The following GNE variants were observed in gnomAD, a reference collection of about 807,000 sequenced individuals.
The protein encoded by GNE is glucosamine (UDP-N-acetyl)-2-epimerase/N-acetylmannosamine kinase.
GNE carries 41 observed loss-of-function variants against 61.8 expected under a neutral mutation model. That is an observed-to-expected ratio of 0.66 (90% CI 0.52 to 0.86). The LOEUF (loss-of-function observed/expected upper bound fraction) is 0.86, where lower values mean the gene tolerates loss of function less well. Among genes scored for constraint, GNE ranks in the 40% least tolerant of loss-of-function variants. The probability of loss-of-function intolerance (pLI) is 0.00; values close to 1 mark genes in which losing one functional copy is unlikely to be tolerated. For synonymous variants in GNE, 264 were observed against 326.4 expected, an observed-to-expected ratio of 0.81 and a Z score of 2.06; for missense variants, 608 against 909.1, an observed-to-expected ratio of 0.67 and a Z score of 4.26.
intron 9 of GNE, among the ~76,000 whole-genome samples, chr9:36,222,571 G>A (rs575421839): frequency 2.0e-5 from 3 of 152,282 alleles, no homozygotes; most frequent in African/African-American, 7.2e-5. Context: ...GCTTTGAATA[G>A]CTCTGACAAG....
At chr9:36,231,824 A>C (rs1240733952) in intron 5 of GNE, among the ~76,000 whole-genome samples, 1 of 152,112 alleles carries the variant, frequency 6.6e-6, no homozygotes, top group East Asian at 1.9e-4. Context: ...TTCTATCTCC[A>C]ACTCTAACTC....
At chr9:36,217,800 C>T (rs1019093356) in intron 11 of GNE, among the ~76,000 whole-genome samples, 200 bp from the exon 12 acceptor site, 2 of 152,128 alleles carry the variant, frequency 1.3e-5, no homozygotes, top group Admixed American at 6.5e-5. Flanking sequence ...TGGAAAAAGC[C>T]GGGTGTACCA....
intron 3 of GNE, among the ~76,000 whole-genome samples, chr9:36,239,773 T>C (rs1829559277): frequency 6.6e-6 from 1 of 152,116 alleles, no homozygotes; most frequent in Non-Finnish European, 1.5e-5. Flanking sequence ...GCACCCAGCC[T>C]ATGATTTCTT....
Position 36,231,081 on chromosome 9 carries a change from AAAAG to A in GNE, c.983-1977_983-1974del, listed in dbSNP as rs1166499064. Among the ~76,000 whole-genome samples the A allele has an allele frequency of 1.2e-3, 164 of 140,920 alleles. 1 individual carries two copies. The East Asian group carries it at 0.015, about 12-fold the overall frequency. The allele number at this position is 140,920 out of a possible 152,430, so 92.4% of individuals were successfully genotyped here. On this transcript the variant is annotated intron_variant, in intron 5 of 11. Transcript: ENST00000642385. ...ACTGCTTCACTAAAAAAAAAAAAAA[AAAAG>A]AAAGAAAGAGAGAGAGAGAAAGAGA... is the stretch of plus-strand genomic sequence containing the variant.
Position 36,215,600 on chromosome 9 carries a change from G to A in GNE, c.*1765C>T, listed in dbSNP as rs1587264909. The A allele has an allele frequency of 6.6e-6, 1 of 152,120 alleles. No individual in the cohort carries two copies. Among genetic ancestry groups the A allele is most frequent in the Non-Finnish European group, 1.5e-5 (1 of 68,038 alleles). 9.4% of individuals were successfully genotyped at this position (152,120 alleles called of 1,614,324 possible). Reference sequence around the variant, plus strand: ...ATAGCTTAACAGTCAAACACACCAAGTTCTATAAAATAAAAATTAAAACAC... The same window carrying A: ...ATAGCTTAACAGTCAAACACACCAAATTCTATAAAATAAAAATTAAAACAC... On this transcript the variant is annotated 3_prime_UTR_variant, in exon 12 of 12. Coordinates refer to ENST00000642385, the MANE Select transcript of GNE (RefSeq NM_005476.7).
chr9:36,234,107 C>A lies in GNE; in HGVS notation c.795G>T (p.Met265Ile), dbSNP rs1829295633. The A allele has an allele frequency of 6.2e-7, 1 of 1,613,720 alleles. No individual in the cohort carries two copies. Among genetic ancestry groups the A allele is most frequent in the Non-Finnish European group, 8.5e-7 (1 of 1,179,644 alleles). ...DAGSKEMVRV[M>I]RKKGIEHHPN... ...GATGATGCTCAATGCCCTTCTTCCG[C>A]ATCACTCGAACCATCTCTTTGCTCC... is the stretch of plus-strand genomic sequence containing the variant. Residue 265 changes from methionine (M) to isoleucine (I), a missense_variant, in exon 5 of 12, where the codon ATG becomes ATT. Transcript: ENST00000642385.
chr9:36,219,377 G>A (rs1455464156), intron 10 of GNE, among the ~76,000 whole-genome samples: 5 of 151,728 alleles, frequency 3.3e-5, no homozygotes, highest in Admixed American at 6.6e-5. Flanking sequence ...CTGCACTCTC[G>A]GCCTCCACTC....
intron 1 of GNE, chr9:36,265,449 C>T (rs773519455): frequency 6.6e-6 from 3 of 456,480 alleles, no homozygotes; most frequent in African/African-American, 2.0e-5. Flanking sequence ...AGGATGTTGC[C>T]ATGTATGTGC....
At chr9:36,276,773 A>T in intron 1 of GNE, 1 of 762,070 alleles carries the variant, frequency 1.3e-6, no homozygotes, top group South Asian at 1.7e-5. Context: ...TTTAAAAATG[A>T]TGGATTTGAT....
chr9:36,249,263 G>C lies in GNE; in HGVS notation c.93C>G (p.Gly31=). The C allele has an allele frequency of 6.2e-7, 1 of 1,614,032 alleles. No individual in the cohort carries two copies. The highest frequency in any genetic ancestry group is 8.5e-7 in the Non-Finnish European group (1 of 1,179,900). ...CAAAGAACTCAGGTTCGGTTTTAAT[G>C]CCAAACATGATCGGGGCAAGTTTAG... ...DYSKLAPIMF[G]IKTEPEFFEL... The change falls in exon 2 of 12, where the codon GGC becomes GGG. Residue 31 remains glycine (G), a synonymous_variant. Coordinates refer to ENST00000642385, the MANE Select transcript of GNE (RefSeq NM_005476.7).
chr9:36,269,664 C>CTTTTTTTTTTTTT (rs71336438), intron 1 of GNE, among the ~76,000 whole-genome samples: 1 of 134,320 alleles, frequency 7.4e-6, no homozygotes. Flanking sequence ...TTTCTTCTTT[C>CTTTTTTTTTTTTT]TTTTTTTTTT....
At chr9:36,237,631 G>A (rs2133080620) in intron 3 of GNE, among the ~76,000 whole-genome samples, 1 of 149,710 alleles carries the variant, frequency 6.7e-6, no homozygotes, top group African/African-American at 2.4e-5. Context: ...AAAACTGAAA[G>A]TGAGCTCCAC....
intron 5 of GNE, among the ~76,000 whole-genome samples, chr9:36,229,841 A>G (rs1005202465): frequency 1.3e-5 from 2 of 152,198 alleles, no homozygotes; most frequent in African/African-American, 2.4e-5. Context: ...CCTGCTATAA[A>G]AAAGGTAAGA....
chr9:36,226,551 T>C (rs138798700), intron 7 of GNE, among the ~76,000 whole-genome samples: 4 of 152,302 alleles, frequency 2.6e-5, no homozygotes, highest in Admixed American at 2.6e-4. Context: ...AATTATGTTT[T>C]GTTTTGCTTT....
rs768539396 is a variant in GNE, at chr9:36,246,508, TA to T, written c.165-27del. Reference sequence around the variant, plus strand: ...CTAAAGCCGGGGAGAAATAAAGATATAAGAACATGTTCTTAAACACAGAGCC... The same window carrying T: ...CTAAAGCCGGGGAGAAATAAAGATATAGAACATGTTCTTAAACACAGAGCC... On this transcript the variant is annotated intron_variant, in intron 2 of 11. Transcript: ENST00000642385. The T allele has an allele frequency of 6.7e-5, 103 of 1,545,788 alleles. No homozygotes were observed. The Middle Eastern group carries it at 1.2e-3, about 18-fold the overall frequency.
chr9:36,273,806 CTT>C (rs1831135663), intron 1 of GNE, among the ~76,000 whole-genome samples: 1 of 151,144 alleles, frequency 6.6e-6, no homozygotes, highest in African/African-American at 2.4e-5. Flanking sequence ...ACCTGGCTAA[CTT>C]TTGTAGTTTT....
At chr9:36,234,337 G>T (rs1449301190) in intron 4 of GNE, among the ~76,000 whole-genome samples, 2 of 152,136 alleles carry the variant, frequency 1.3e-5, no homozygotes, top group Non-Finnish European at 2.9e-5. Context: ...AACTCAAAAA[G>T]CAGCAGTTGG....
intron 6 of GNE, 151 bp from the exon 7 acceptor site, chr9:36,227,609 C>T: frequency 6.0e-6 from 4 of 665,412 alleles, no homozygotes; most frequent in Non-Finnish European, 1.1e-5. Flanking sequence ...CACAGTGGCT[C>T]ACACCTGTAA....
At chr9:36,255,160 A>G (rs143619427) in intron 1 of GNE, among the ~76,000 whole-genome samples, 2 of 152,312 alleles carry the variant, frequency 1.3e-5, no homozygotes, top group African/African-American at 4.8e-5. Flanking sequence ...TGTTCTTTGT[A>G]AAATAAATAT....
Sources: gnomAD v4.1 joint callset for allele counts (sites outside exome capture counted in the v4.1 genomes callset) on GRCh38, gnomAD v4.1.1 for gene constraint, MANE v1.5 for transcripts, NCBI Gene and HGNC (gene_info 2026-07-23, HGNC 2026-07-21) for gene names.